The following OLFM3 variants were observed in gnomAD, a reference collection of about 807,000 sequenced individuals.
OLFM3 encodes the protein olfactomedin 3.
A neutral mutation model predicts 48.6 loss-of-function variants in OLFM3; 20 were observed. The ratio of observed to expected loss-of-function variants is 0.41; its 90% confidence interval spans 0.29 to 0.60. OLFM3 has a LOEUF of 0.60. Among genes scored for constraint, OLFM3 ranks in the 20% least tolerant of loss-of-function variants. OLFM3 has a pLI of 0.28. For synonymous variants in OLFM3, 222 were observed against 198.1 expected (o/e 1.12, Z -1.01); for missense variants, 437 against 544.3 (o/e 0.80, Z 1.96).
chr1:101,974,545 A>G (rs1537953), intron 1 of OLFM3, among the ~76,000 whole-genome samples: 147,620 of 152,168 alleles, frequency 0.97, 71,755 homozygotes, highest in Middle Eastern at 1. Context: ...TGTCACTGTG[A>G]AGATGCTATA....
At chr1:101,880,083 G>A (rs112491624) in intron 1 of OLFM3, among the ~76,000 whole-genome samples, 4 of 151,914 alleles carry the variant, frequency 2.6e-5, no homozygotes, top group African/African-American at 9.6e-5. Flanking sequence ...AAAACACATA[G>A]AGATTAACTA....
intron 3 of OLFM3, among the ~76,000 whole-genome samples, chr1:101,828,698 C>T (rs893836872): frequency 3.3e-5 from 5 of 152,206 alleles, no homozygotes; most frequent in Admixed American, 1.3e-4. Context: ...CACTCTCAAG[C>T]TGTCCTTTGG....
chr1:101,870,172 T>C (rs2100974905), intron 1 of OLFM3, among the ~76,000 whole-genome samples: 1 of 152,260 alleles, frequency 6.6e-6, no homozygotes, highest in South Asian at 2.1e-4. Context: ...TACTTGGTAA[T>C]TACAAAATAA....
At chr1:101,910,968 C>T (rs560875454) in intron 1 of OLFM3, among the ~76,000 whole-genome samples, 6 of 152,130 alleles carry the variant, frequency 3.9e-5, no homozygotes, top group African/African-American at 1.4e-4. Flanking sequence ...GATATTCACT[C>T]AATAGAGTTA....
intron 1 of OLFM3, among the ~76,000 whole-genome samples, chr1:101,968,522 CT>C (rs1344751786): frequency 1.4e-5 from 1 of 69,618 alleles, no homozygotes; most frequent in Non-Finnish European, 2.6e-5. Context: ...AACTTCCTCT[CT>C]TTTTGTTCTG....
intron 1 of OLFM3, among the ~76,000 whole-genome samples, chr1:101,921,875 T>C (rs1659105800): frequency 6.6e-6 from 1 of 151,930 alleles, no homozygotes; most frequent in South Asian, 2.1e-4. Flanking sequence ...CTGGCCAACA[T>C]GATGAAACCC....
intron 1 of OLFM3, among the ~76,000 whole-genome samples, chr1:101,941,154 C>G (rs1464849548): frequency 6.6e-6 from 1 of 151,984 alleles, no homozygotes; most frequent in African/African-American, 2.4e-5. Flanking sequence ...AGCACAGGTC[C>G]CCAAGGTTTG....
chr1:101,854,093 CTATATG>C (rs1005177461), intron 1 of OLFM3, among the ~76,000 whole-genome samples: 1 of 151,936 alleles, frequency 6.6e-6, no homozygotes. Flanking sequence ...ATTTCACTAT[CTATATG>C]TATATCAAGT....
intron 1 of OLFM3, among the ~76,000 whole-genome samples, chr1:101,978,312 G>A: frequency 6.6e-6 from 1 of 152,030 alleles, no homozygotes; most frequent in East Asian, 1.9e-4. Context: ...TTCCCACAAA[G>A]ATTAAAGATA....
chr1:101,948,452 TGA>T (rs141817550), intron 1 of OLFM3, among the ~76,000 whole-genome samples: 34 of 149,558 alleles, frequency 2.3e-4, no homozygotes, highest in African/African-American at 2.0e-4. Context: ...AAGACTTGTA[TGA>T]GAGAGAGAGA....
chr1:101,872,511 A>G (rs1657120959), intron 1 of OLFM3, among the ~76,000 whole-genome samples: 1 of 151,968 alleles, frequency 6.6e-6, no homozygotes, highest in African/African-American at 2.4e-5. Flanking sequence ...CTTAGAGGGG[A>G]TTTGTTTTCA....
intron 1 of OLFM3, among the ~76,000 whole-genome samples, chr1:101,845,278 T>A (rs1655940990): frequency 6.6e-6 from 1 of 152,084 alleles, no homozygotes; most frequent in Admixed American, 6.5e-5. Flanking sequence ...ATTTTTCAAC[T>A]AACAATTTTT....
intron 1 of OLFM3, among the ~76,000 whole-genome samples, chr1:101,935,248 AAAG>A (rs1443914828): frequency 2.0e-5 from 3 of 151,986 alleles, no homozygotes; most frequent in Non-Finnish European, 4.4e-5. Flanking sequence ...GAAGAAAAAA[AAAG>A]AAGATCGAAA....
chr1:101,950,045 A>AG (rs1557742729), intron 1 of OLFM3, among the ~76,000 whole-genome samples: 8 of 147,918 alleles, frequency 5.4e-5, no homozygotes, highest in African/African-American at 2.0e-4. Flanking sequence ...AAAAAAAAAA[A>AG]AAAGAAAAAG....
In OLFM3 at chr1:101,860,961, T is replaced by A. The variant is rs17125605; in HGVS notation, c.70-23936A>T. On this transcript the variant is annotated intron_variant, in intron 1 of 5. Transcript: ENST00000370103. The stretch of plus-strand genomic sequence containing the variant: ...GACAGAGAAGGATCATGCTTTCACA[T>A]AATTCACTCATTTTAGGGACGGATC... Among the ~76,000 whole-genome samples the A allele has an allele frequency of 8.3e-3, 1,262 of 152,210 alleles. 25 individuals carry two copies. Among genetic ancestry groups the A allele is most frequent in the African/African-American group, 0.028 (1,164 of 41,484 alleles).
At chr1:101,976,363 G>A (rs1351464760) in intron 1 of OLFM3, among the ~76,000 whole-genome samples, 3 of 152,150 alleles carry the variant, frequency 2.0e-5, no homozygotes, top group East Asian at 1.9e-4. Flanking sequence ...ACAGCTGCCC[G>A]AGACTGGACA....
chr1:101,816,632 G>A (rs1373612321), intron 4 of OLFM3, among the ~76,000 whole-genome samples: 1 of 152,046 alleles, frequency 6.6e-6, no homozygotes, highest in East Asian at 1.9e-4. Context: ...GTATGAAGTT[G>A]GACAATGCCT....
intron 1 of OLFM3, among the ~76,000 whole-genome samples, chr1:101,875,197 T>G (rs1657249637): frequency 6.6e-6 from 1 of 151,974 alleles, no homozygotes; most frequent in Non-Finnish European, 1.5e-5. Flanking sequence ...GAGATGGCAG[T>G]GAGCAATCTG....
chr1:101,809,801 C>T (rs1355372498), intron 4 of OLFM3, among the ~76,000 whole-genome samples: 1 of 151,912 alleles, frequency 6.6e-6, no homozygotes, highest in African/African-American at 2.4e-5. Flanking sequence ...TAATAGCCTC[C>T]ATTGAATGGA....
Sources: gnomAD v4.1 joint callset for allele counts (sites outside exome capture counted in the v4.1 genomes callset) on GRCh38, gnomAD v4.1.1 for gene constraint, MANE v1.5 for transcripts, NCBI Gene and HGNC (gene_info 2026-07-23, HGNC 2026-07-21) for gene names.